B3GLCT: variants seen among roughly 807,000 people sequenced by gnomAD.
B3GLCT encodes beta 3-glucosyltransferase, also known as beta-1,3-glucosyltransferase.
In B3GLCT, 65 loss-of-function variants were observed where a neutral mutation model predicts 63.4. That is an observed-to-expected ratio of 1.03 (90% CI 0.84 to 1.26). The LOEUF (loss-of-function observed/expected upper bound fraction) is 1.26, where lower values mean the gene tolerates loss of function less well. B3GLCT is among the 50% of genes most tolerant of loss of function. The pLI, the probability that B3GLCT is intolerant of heterozygous loss-of-function variation, is 0.00. For missense variants in B3GLCT, 577 were observed against 604.8 expected, an observed-to-expected ratio of 0.95 and a Z score of 0.48; for synonymous variants, 233 against 219.2, an observed-to-expected ratio of 1.06 and a Z score of -0.55.
rs143013995 is a variant in B3GLCT, at chr13:31,286,829, C to G, written c.1064+10C>G. On this transcript the variant is annotated intron_variant, in intron 12 of 14. Transcript: ENST00000343307. ...ATGATACATTAATAAGGTAAGGAGTCATTCTCATCCTAAATGGCTTTAAAT... is the reference window on the plus strand; with the variant it reads ...ATGATACATTAATAAGGTAAGGAGTGATTCTCATCCTAAATGGCTTTAAAT... 1.3e-6 allele frequency: 2 copies of G among 1,558,414 alleles called. No homozygotes were observed. Among genetic ancestry groups the G allele is most frequent in the South Asian group, 2.3e-5 (2 of 88,126 alleles).
intron 12 of B3GLCT, among the ~76,000 whole-genome samples, chr13:31,314,028 G>T (rs755003957): frequency 2.4e-4 from 36 of 152,222 alleles, no homozygotes; most frequent in Non-Finnish European, 3.8e-4. Context: ...CTTCCATGTG[G>T]TGTTGAGCCT....
chr13:31,212,309 C>G (rs182013709), intron 1 of B3GLCT, among the ~76,000 whole-genome samples: 1 of 130,532 alleles, frequency 7.7e-6, no homozygotes, highest in Non-Finnish European at 1.6e-5. Context: ...GAGTCTTGCT[C>G]TGTCGCCCAG....
intron 2 of B3GLCT, among the ~76,000 whole-genome samples, chr13:31,220,977 AATG>A (rs1869780616): frequency 6.6e-6 from 1 of 152,030 alleles, no homozygotes; most frequent in South Asian, 2.1e-4. Context: ...ATTCACATCT[AATG>A]ATGTGTATTT....
intron 9 of B3GLCT, among the ~76,000 whole-genome samples, chr13:31,276,119 T>G (rs920588571): frequency 1.7e-4 from 26 of 152,286 alleles, no homozygotes; most frequent in East Asian, 1.4e-3. Flanking sequence ...GCTCCAGGAC[T>G]GCCCCCACCC....
At chr13:31,313,811 T>A (rs942210093) in intron 12 of B3GLCT, among the ~76,000 whole-genome samples, 8 of 152,128 alleles carry the variant, frequency 5.3e-5, no homozygotes, top group Non-Finnish European at 1.2e-4. Context: ...AGCAGCTCCT[T>A]CCCCTGCTCC....
chr13:31,299,883 C>T (rs146792268), intron 12 of B3GLCT, among the ~76,000 whole-genome samples: 116 of 152,252 alleles, frequency 7.6e-4, no homozygotes, highest in African/African-American at 2.6e-3. Context: ...GCCAAGTATC[C>T]ATTGCCCTCT....
chr13:31,298,323 G>T (rs2137902397), intron 12 of B3GLCT, among the ~76,000 whole-genome samples: 1 of 152,262 alleles, frequency 6.6e-6, no homozygotes, highest in East Asian at 1.9e-4. Flanking sequence ...CAACTCAAAA[G>T]ATATTGCCAC....
intron 14 of B3GLCT, 44 bp from the exon 15 acceptor site, chr13:31,329,457 A>AT: frequency 6.2e-7 from 1 of 1,610,166 alleles, no homozygotes; most frequent in African/African-American, 1.3e-5. Flanking sequence ...CAGCAAAATT[A>AT]TATTCAATCA....
rs528510304 is a variant in B3GLCT, at chr13:31,286,913, A to G, written c.1064+94A>G. The G allele has an allele frequency of 3.8e-5, 32 of 837,612 alleles. No homozygotes were observed. The African/African-American group carries it at 4.6e-4, about 12-fold the overall frequency. The allele number at this position is 837,612 out of a possible 1,614,324, so 51.9% of individuals were successfully genotyped here. ...GTACTTTTTCTGGCCAAGATGAAGT[A>G]ACGGGGACGGGGTTTACCCTTCTAT... On this transcript the variant is annotated intron_variant, in intron 12 of 14. Coordinates refer to ENST00000343307, the MANE Select transcript of B3GLCT (RefSeq NM_194318.4).
intron 1 of B3GLCT, among the ~76,000 whole-genome samples, chr13:31,204,536 A>T (rs2137727391): frequency 6.6e-6 from 1 of 152,204 alleles, no homozygotes; most frequent in Middle Eastern, 3.4e-3. Flanking sequence ...TGGAGAAAGG[A>T]CGGAGGACTG....
At chr13:31,235,058 T>C (rs1178171106) in intron 4 of B3GLCT, among the ~76,000 whole-genome samples, 1 of 151,998 alleles carries the variant, frequency 6.6e-6, no homozygotes, top group Non-Finnish European at 1.5e-5. Flanking sequence ...TGAGAAGCCC[T>C]GGGCTGGGGA....
intron 12 of B3GLCT, among the ~76,000 whole-genome samples, chr13:31,314,869 G>A (rs776596649): frequency 1.3e-5 from 2 of 152,200 alleles, no homozygotes; most frequent in South Asian, 2.1e-4. Flanking sequence ...GGACCCAGTG[G>A]GAGGTAATTG....
At chr13:31,204,452 G>C (rs150287920) in intron 1 of B3GLCT, among the ~76,000 whole-genome samples, 1 of 152,154 alleles carries the variant, frequency 6.6e-6, no homozygotes, top group Non-Finnish European at 1.5e-5. Flanking sequence ...AGGATGTGAC[G>C]TTAGAGCTCA....
At chr13:31,200,536 G>A (rs1232947889) in intron 1 of B3GLCT, among the ~76,000 whole-genome samples, 3 of 150,460 alleles carry the variant, frequency 2.0e-5, no homozygotes, top group African/African-American at 7.3e-5. Flanking sequence ...CTTTGCAACA[G>A]CGCGAGTGGC....
At position 31,323,257 on chromosome 13, in the gene B3GLCT, A is replaced by G. The variant is rs149915165; in HGVS notation, c.1185-494A>G. ...TTCATAGAATGTTTCCTCCCCCAGG[A>G]AGAAGGTCTTTGTAAAGGCGACTTT... On this transcript the variant is annotated intron_variant, in intron 13 of 14. Coordinates refer to ENST00000343307, the MANE Select transcript of B3GLCT (RefSeq NM_194318.4). Among the ~76,000 whole-genome samples, 589 of 152,288 alleles carry G rather than the reference A, an allele frequency of 3.9e-3. 3 individuals are homozygous for G. Among genetic ancestry groups the G allele is most frequent in the African/African-American group, 0.013 (542 of 41,552 alleles).
In B3GLCT at chr13:31,331,374, A is replaced by G. The variant is rs1875913191; in HGVS notation, c.*1706A>G. 6.7e-6 allele frequency: 1 copy of G among 148,654 alleles called. No homozygotes were observed. Among genetic ancestry groups the G allele is most frequent in the African/African-American group, 2.5e-5 (1 of 40,696 alleles). The allele number at this position is 148,654 out of a possible 1,614,324, so 9.2% of individuals were successfully genotyped here. A position where few individuals can be genotyped will look rare whatever the true frequency, so the allele number is the denominator to read the frequency against. ...TGATTGAAGCTGGCATCCGTATATG[A>G]AGATCCTTGTCAAGCTTTCTTCTGT... On this transcript the variant is annotated 3_prime_UTR_variant, in exon 15 of 15. Transcript: ENST00000343307.
chr13:31,272,987 T>C (rs982202705), intron 8 of B3GLCT, among the ~76,000 whole-genome samples: 23 of 152,244 alleles, frequency 1.5e-4, no homozygotes, highest in Non-Finnish European at 2.8e-4. Flanking sequence ...TAACAATATT[T>C]ATTTCAACTT....
At chr13:31,321,829 T>G (rs1446718385) in intron 13 of B3GLCT, among the ~76,000 whole-genome samples, 1 of 67,684 alleles carries the variant, frequency 1.5e-5, no homozygotes, top group Admixed American at 2.1e-4. Context: ...GAAAATAAAT[T>G]GAATGACCAT....
chr13:31,240,463 T>A (rs4943251), intron 4 of B3GLCT, among the ~76,000 whole-genome samples: 2 of 131,594 alleles, frequency 1.5e-5, no homozygotes, highest in Admixed American at 8.8e-5. Context: ...CCCTTGCCTC[T>A]TTAGTTTTTT....
Sources: allele counts gnomAD v4.1 joint callset (sites outside exome capture counted in the v4.1 genomes callset), GRCh38; gene constraint gnomAD v4.1.1; transcripts MANE v1.5; gene names NCBI Gene and HGNC (gene_info 2026-07-23, HGNC 2026-07-21).